Variants in DST observed in about 807,000 individuals in gnomAD.
DST encodes the protein dystonin, also known as bullous pemphigoid antigen.
DST carries 253 observed loss-of-function variants against 875.2 expected under a neutral mutation model. That is an observed-to-expected ratio of 0.29 (90% CI 0.26 to 0.32). The LOEUF (loss-of-function observed/expected upper bound fraction) is 0.32. Among genes scored for constraint, DST ranks in the 10% least tolerant of loss-of-function variants. DST has a pLI of 1.00. For missense variants in DST, 8,287 were observed against 9,111.6 expected (o/e 0.91, Z 3.68); for synonymous variants, 3,124 against 3,197.1 (o/e 0.98, Z 0.77).
intron 4 of DST, among the ~76,000 whole-genome samples, chr6:56,781,438 G>A (rs1172981479): frequency 2.8e-4 from 43 of 152,140 alleles, no homozygotes; most frequent in Non-Finnish European, 5.4e-4. Flanking sequence ...GGTCCTTCAC[G>A]TCCCTTGTAA....
Position 56,473,934 on chromosome 6 carries a change from T to C in DST, c.21933A>G (p.Arg7311=). The change falls in exon 93 of 104, where the codon AGA becomes AGG. Residue 7311 remains arginine, a synonymous_variant. Transcript: ENST00000680361. ...VDKVTKTYKR[R]AADPSSLQSH... is the part of the protein sequence containing the mutation. Reference sequence around the variant, plus strand: ...ATTGTAATGAGGAAGGATCAGCAGCTCTCCTCTTATAGGTCTTCGTTACTT... The same window carrying C: ...ATTGTAATGAGGAAGGATCAGCAGCCCTCCTCTTATAGGTCTTCGTTACTT... The C allele has an allele frequency of 6.3e-7, 1 of 1,591,688 alleles. No homozygotes were observed. Among genetic ancestry groups the C allele is most frequent in the Non-Finnish European group, 8.6e-7 (1 of 1,167,060 alleles).
intron 49 of DST, among the ~76,000 whole-genome samples, chr6:56,586,044 T>G (rs959376874): frequency 2.0e-5 from 3 of 152,050 alleles, no homozygotes; most frequent in Admixed American, 6.5e-5. Flanking sequence ...ATAGGTGTGG[T>G]GTGGTGCTGA....
chr6:56,570,116 T>A, intron 53 of DST, 104 bp from the exon 54 acceptor site: 1 of 820,206 alleles, frequency 1.2e-6, no homozygotes, highest in Non-Finnish European at 1.8e-6. Context: ...CCATGTACTC[T>A]AACCCTTTGA....
chr6:56,574,127 T>C (rs945057687), intron 50 of DST, among the ~76,000 whole-genome samples: 2 of 151,238 alleles, frequency 1.3e-5, no homozygotes, highest in African/African-American at 4.8e-5. Context: ...ATATATCCCA[T>C]CTGCATTTGA....
Position 56,646,136 on chromosome 6 carries a change from G to C in DST, c.1601C>G (p.Pro534Arg). The C allele has an allele frequency of 6.5e-7, 1 of 1,536,600 alleles. No individual in the cohort carries two copies. The highest frequency in any genetic ancestry group is 2.3e-5 in the East Asian group (1 of 43,070). Residue 534 changes from proline to arginine, a missense_variant, in exon 14 of 104, where the codon CCA becomes CGA. Physicochemically the swap from Pro to Arg is moderately radical, Grantham distance 103. Around this residue, in one of 10 missense-constraint regions of DST, gnomAD observed 1,160 missense variants for 1,424.3 expected, o/e 0.81. Transcript: ENST00000680361. ...AATTTTTGATTTTTCTGTCTCCTTT[G>C]GTGGAATTTCTGTTTCTTTAAACTG... ...YLQFKETEIPPKETEKSKIKR... is the reference protein window; with the variant it reads ...YLQFKETEIPRKETEKSKIKR...
At chr6:56,912,511 C>T (rs184363231) in intron 2 of DST, among the ~76,000 whole-genome samples, 19 of 152,282 alleles carry the variant, frequency 1.2e-4, no homozygotes, top group South Asian at 6.2e-4. Flanking sequence ...ACAGATGAAA[C>T]CTTAGCCTTT....
chr6:56,581,283 T>C (rs1266647984), intron 49 of DST, among the ~76,000 whole-genome samples: 2 of 151,506 alleles, frequency 1.3e-5, no homozygotes, highest in Non-Finnish European at 2.9e-5. Context: ...GAGAAGGAGA[T>C]TCTAAAGAAT....
intron 15 of DST, among the ~76,000 whole-genome samples, chr6:56,645,237 C>T (rs936337334): frequency 9.2e-5 from 14 of 152,264 alleles, no homozygotes; most frequent in African/African-American, 3.1e-4. Context: ...TTCCCAGGTA[C>T]CAGGTTAAGA....
At chr6:56,796,823 G>A (rs1243432795) in intron 4 of DST, among the ~76,000 whole-genome samples, 1 of 152,030 alleles carries the variant, frequency 6.6e-6, no homozygotes, top group Non-Finnish European at 1.5e-5. Flanking sequence ...GAAAGGAAGG[G>A]AGGGGACTAT....
chr6:56,593,611 A>C, intron 48 of DST, 52 bp downstream of exon 48: 1 of 1,398,656 alleles, frequency 7.1e-7, no homozygotes, highest in Middle Eastern at 1.9e-4. Context: ...ACTATAATTG[A>C]AAACTATAAT....
At position 56,616,083 on chromosome 6, in the gene DST, C is replaced by T. The variant is rs1255466276; in HGVS notation, c.4930-1599G>A. On this transcript the variant is annotated intron_variant, in intron 36 of 103. Coordinates refer to ENST00000680361, the MANE Select transcript of DST (RefSeq NM_001374736.1). ...AAATTTCTACGGGAGGCTTTTAGTA[C>T]AGAGATCCTTTCCCCACTAGCAGTC... 9 of 1,614,176 alleles carry T rather than the reference C, an allele frequency of 5.6e-6. No homozygotes were observed. The highest frequency in any genetic ancestry group is 2.2e-5 in the South Asian group (2 of 91,086).
At position 56,570,020 on chromosome 6, in the gene DST, A is replaced by T; in HGVS notation, c.13722-8T>A. On this transcript the variant is annotated splice_region_variant and splice_polypyrimidine_tract_variant and intron_variant, in intron 53 of 103. Coordinates refer to ENST00000680361, the MANE Select transcript of DST (RefSeq NM_001374736.1). ...GAAGTTACAGCTTCTTTTCTACATA[A>T]CAAAAATCATACAAGAATTTAAGTC... 5 of 1,555,728 alleles carry T rather than the reference A, an allele frequency of 3.2e-6. No homozygotes were observed. The highest frequency in any genetic ancestry group is 4.3e-6 in the Non-Finnish European group (5 of 1,153,580).
At chr6:56,762,424 G>A (rs2099619440) in intron 4 of DST, among the ~76,000 whole-genome samples, 1 of 152,164 alleles carries the variant, frequency 6.6e-6, no homozygotes. Flanking sequence ...AAGCAGAAGT[G>A]GGCTTCAAAA....
At chr6:56,896,781 C>T (rs1187609569) in intron 3 of DST, among the ~76,000 whole-genome samples, 1 of 152,230 alleles carries the variant, frequency 6.6e-6, no homozygotes, top group Non-Finnish European at 1.5e-5. Context: ...ACTGTCTATT[C>T]ATGTCCTTAG....
At chr6:56,561,216 A>C in intron 57 of DST, 92 bp downstream of exon 57, 1 of 1,386,422 alleles carries the variant, frequency 7.2e-7, no homozygotes, top group East Asian at 2.5e-5. Flanking sequence ...CTAGAAAAGA[A>C]AACAGAGCAG....
In DST at chr6:56,572,885, C is replaced by T. The variant is rs1294165077; in HGVS notation, c.13416G>A (p.Met4472Ile). ...SHKHKETLAK[M>I]EELKTKVELF... ...GTTCTACTTTGGTTTTTAGCTCCTC[C>T]ATTTTGGCAAGAGTTTCTTTGTGTT... is the stretch of plus-strand genomic sequence containing the variant. The change falls in exon 52 of 104, where the codon ATG (methionine) becomes ATA (isoleucine). Residue 4472 changes from methionine to isoleucine, a missense_variant. By Grantham distance (10) the Met-to-Ile change is conservative (BLOSUM62 1). This residue lies in a region of DST where 1,513 missense variants were observed against 1,677.8 expected (regional missense o/e 0.90). Coordinates refer to ENST00000680361, the MANE Select transcript of DST (RefSeq NM_001374736.1). The T allele has an allele frequency of 2.5e-6, 4 of 1,613,414 alleles. No homozygotes were observed. In the South Asian group the frequency reaches 4.4e-5, roughly 18 times the overall value.
chr6:56,585,856 A>C (rs1042409453), intron 49 of DST, among the ~76,000 whole-genome samples: 12 of 152,120 alleles, frequency 7.9e-5, no homozygotes, highest in African/African-American at 2.7e-4. Context: ...TTAGGTACCC[A>C]GTAGTCATTC....
intron 4 of DST, among the ~76,000 whole-genome samples, chr6:56,848,700 G>C (rs1307981490): frequency 6.6e-6 from 1 of 152,088 alleles, no homozygotes; most frequent in Non-Finnish European, 1.5e-5. Flanking sequence ...TATTGTTTAT[G>C]ATTTGCCTAG....
intron 4 of DST, among the ~76,000 whole-genome samples, chr6:56,788,356 C>T (rs1016244955): frequency 6.6e-6 from 1 of 151,744 alleles, no homozygotes; most frequent in African/African-American, 2.4e-5. Context: ...TGTGCACCAC[C>T]AGCTACTTTT....
Sources: allele counts gnomAD v4.1 joint callset (sites outside exome capture counted in the v4.1 genomes callset), GRCh38; gene constraint gnomAD v4.1.1; regional missense constraint gnomAD v4.1.1; transcripts MANE v1.5; gene names NCBI Gene and HGNC (gene_info 2026-07-23, HGNC 2026-07-21).